The following STAM variants were observed in gnomAD, a reference collection of about 807,000 sequenced individuals.
The protein encoded by STAM is signal transducing adapter molecule 1.
In STAM, 16 loss-of-function variants were observed where a neutral mutation model predicts 63.4. That is an observed-to-expected ratio of 0.25 (90% confidence interval 0.17 to 0.38). The LOEUF (loss-of-function observed/expected upper bound fraction) is 0.38. STAM is among the 10% of genes least tolerant of loss of function. The probability of loss-of-function intolerance (pLI) is 1.00; values close to 1 mark genes in which losing one functional copy is unlikely to be tolerated. For missense variants in STAM, 636 were observed against 657.1 expected (o/e 0.97, Z 0.35); for synonymous variants, 238 against 223.9 (o/e 1.06, Z -0.56).
At chr10:17,706,229 TTTG>T (rs142351284) in intron 12 of STAM, among the ~76,000 whole-genome samples, 16,795 of 151,948 alleles carry the variant, frequency 0.11, 1,010 homozygotes, top group Admixed American at 0.17. Flanking sequence ...CTAATAGTTT[TTTG>T]TTGTTGTTGT....
intron 5 of STAM, 137 bp downstream of exon 5, chr10:17,688,310 C>G: frequency 1.3e-6 from 1 of 775,424 alleles, no homozygotes. Context: ...GTGTTAGTAA[C>G]TAGTTGTATT....
At chr10:17,688,628 AT>A (rs34935247) in intron 5 of STAM, among the ~76,000 whole-genome samples, 6,319 of 143,742 alleles carry the variant, frequency 0.044, 160 homozygotes, top group East Asian at 0.16. Flanking sequence ...AGACCTGGAA[AT>A]TTTTTTTTTT....
In STAM at chr10:17,669,991, A is replaced by T. The variant is rs1001653530; in HGVS notation, c.125+9443A>T. Among the ~76,000 whole-genome samples the T allele has an allele frequency of 6.0e-5, 9 of 150,538 alleles. 1 individual carries two copies. The highest frequency in any genetic ancestry group is 4.0e-4 in the Admixed American group (6 of 15,006). On this transcript the variant is annotated intron_variant, in intron 2 of 13. Transcript: ENST00000377524. ...GTGATCCGCCCATCTCGGCCTCCCA[A>T]AGTGCTGGGATCACAGGCGTGAGCC... is the stretch of plus-strand genomic sequence containing the variant.
At position 17,687,965 on chromosome 10, in the gene STAM, T is replaced by C. The variant is rs11813306; in HGVS notation, c.298-62T>C. 1,369 of 1,357,586 alleles carry C rather than the reference T, an allele frequency of 1.0e-3. 11 individuals carry two copies. In the African/African-American group the frequency reaches 0.018, roughly 18 times the overall value. 84.1% of individuals were successfully genotyped at this position (1,357,586 alleles called of 1,614,324 possible). On this transcript the variant is annotated intron_variant, in intron 4 of 13. Transcript: ENST00000377524. ...CACTTAATAACTTTACTATTTAAAA[T>C]GTCTGTATTAAATCATTGGCTAGGA... is the stretch of plus-strand genomic sequence containing the variant.
At chr10:17,714,490 A>G in intron 13 of STAM, 53 bp from the exon 14 acceptor site, 1 of 1,496,762 alleles carries the variant, frequency 6.7e-7, no homozygotes, top group East Asian at 2.3e-5. Context: ...ATTTATCTGT[A>G]GTTGCTCTAT....
chr10:17,649,393 T>TA (rs139969080), intron 1 of STAM, among the ~76,000 whole-genome samples: 66 of 141,936 alleles, frequency 4.6e-4, no homozygotes, highest in East Asian at 2.1e-3. Flanking sequence ...ACCCTGTCTT[T>TA]AAAAAAAAAA....
intron 12 of STAM, among the ~76,000 whole-genome samples, chr10:17,708,321 C>A (rs1836392256): frequency 6.6e-6 from 1 of 152,170 alleles, no homozygotes. Flanking sequence ...AGTTTGCTGA[C>A]CCCTGCTTTA....
At chr10:17,679,622 T>C (rs1834999496) in intron 2 of STAM, among the ~76,000 whole-genome samples, 1 of 151,992 alleles carries the variant, frequency 6.6e-6, no homozygotes, top group Non-Finnish European at 1.5e-5. Context: ...TTTTTAAACA[T>C]TTGGTAGAAT....
At chr10:17,689,037 C>A (rs1015589208) in intron 5 of STAM, among the ~76,000 whole-genome samples, 6 of 152,168 alleles carry the variant, frequency 3.9e-5, no homozygotes, top group African/African-American at 1.4e-4. Context: ...GTCTTCCTTT[C>A]CCCAGTGGAT....
At chr10:17,671,334 A>C (rs1011369874) in intron 2 of STAM, among the ~76,000 whole-genome samples, 2 of 152,262 alleles carry the variant, frequency 1.3e-5, no homozygotes, top group African/African-American at 2.4e-5. Flanking sequence ...CAAAGATAAA[A>C]AATGAAACAT....
At chr10:17,708,624 T>C in intron 12 of STAM, 152 bp from the exon 13 acceptor site, 1 of 768,798 alleles carries the variant, frequency 1.3e-6, no homozygotes, top group Non-Finnish European at 1.9e-6. Context: ...GAAAAGCGTT[T>C]TTCAAAATGC....
chr10:17,694,889 A>G (rs41306810), intron 6 of STAM, 160 bp from the exon 7 acceptor site: 12,520 of 587,962 alleles, frequency 0.021, 164 homozygotes, highest in Non-Finnish European at 0.028. Context: ...ATGAATGAAT[A>G]AACTGACAAA....
At chr10:17,664,354 GCTGT>G (rs1441392798) in intron 2 of STAM, among the ~76,000 whole-genome samples, 3 of 151,958 alleles carry the variant, frequency 2.0e-5, no homozygotes, top group South Asian at 2.1e-4. Context: ...TCACATGCCC[GCTGT>G]CTGTCTCCAG....
At chr10:17,704,934 T>A in intron 10 of STAM, 36 bp from the exon 11 acceptor site, 1 of 1,570,756 alleles carries the variant, frequency 6.4e-7, no homozygotes, top group Non-Finnish European at 8.7e-7. Context: ...TTTTTTCTTG[T>A]ACTTTCTTAT....
At chr10:17,682,936 A>G (rs1305428673) in intron 2 of STAM, among the ~76,000 whole-genome samples, 1 of 152,146 alleles carries the variant, frequency 6.6e-6, no homozygotes, top group Non-Finnish European at 1.5e-5. Flanking sequence ...GCACATTTAG[A>G]ATTATGTTTC....
intron 13 of STAM, among the ~76,000 whole-genome samples, chr10:17,712,360 C>G (rs1269110508): frequency 2.0e-5 from 3 of 152,150 alleles, no homozygotes; most frequent in East Asian, 1.9e-4. Flanking sequence ...TAGCCCATAC[C>G]ATTGTCAATA....
At chr10:17,705,838 C>A in intron 12 of STAM, 97 bp downstream of exon 12, 3 of 1,173,740 alleles carry the variant, frequency 2.6e-6, no homozygotes, top group South Asian at 3.4e-5. Context: ...GAGGCCAAGG[C>A]AAGAGGATTG....
chr10:17,663,557 TTTC>T (rs1371494143), intron 2 of STAM, among the ~76,000 whole-genome samples: 13 of 152,066 alleles, frequency 8.5e-5, no homozygotes, highest in Non-Finnish European at 1.8e-4. Flanking sequence ...TTCCCTCCTT[TTTC>T]TTCTTTTTTC....
intron 7 of STAM, among the ~76,000 whole-genome samples, chr10:17,695,517 T>C (rs1456196433): frequency 6.6e-6 from 1 of 152,230 alleles, no homozygotes; most frequent in African/African-American, 2.4e-5. Context: ...GATGGTTACA[T>C]TATTTAAAAG....
Sources: allele counts gnomAD v4.1 joint callset (sites outside exome capture counted in the v4.1 genomes callset), GRCh38; gene constraint gnomAD v4.1.1; transcripts MANE v1.5; gene names NCBI Gene and HGNC (gene_info 2026-07-23, HGNC 2026-07-21).